The following ARHGAP22 variants were observed in gnomAD, a reference collection of about 807,000 sequenced individuals.
ARHGAP22 encodes the protein rho GTPase-activating protein 22.
A neutral mutation model predicts 59.1 loss-of-function variants in ARHGAP22; 48 were observed. That is an observed-to-expected ratio of 0.81 (90% CI 0.64 to 1.03). ARHGAP22 has a LOEUF of 1.03. Ranked by LOEUF, ARHGAP22 falls within the 50% of genes least tolerant of loss-of-function variation. ARHGAP22 has a pLI of 0.00. For missense variants in ARHGAP22, 1,015 were observed against 958.7 expected (o/e 1.06, Z -0.78); for synonymous variants, 445 against 416.4 (o/e 1.07, Z -0.84).
intron 5 of ARHGAP22, among the ~76,000 whole-genome samples, chr10:48,456,480 T>C (rs2046524022): frequency 6.6e-6 from 1 of 152,136 alleles, no homozygotes; most frequent in African/African-American, 2.4e-5. Context: ...TCCCGGGCCA[T>C]GTTCCTGGCC....
chr10:48,455,153 C>G lies in ARHGAP22; in HGVS notation c.660-19G>C. ...TGTTGTGCTGTGGGGGGGAAGAGGA[C>G]AGGTGTGTGAGGCCTGGGATGCCAG... On this transcript the variant is annotated intron_variant, in intron 5 of 9. Coordinates refer to ENST00000249601, the MANE Select transcript of ARHGAP22 (RefSeq NM_021226.4). 6.3e-7 allele frequency: 1 copy of G among 1,592,580 alleles called. No individual in the cohort carries two copies. The highest frequency in any genetic ancestry group is 8.6e-7 in the Non-Finnish European group (1 of 1,166,694).
At chr10:48,593,694 A>G (rs1421929243) in intron 1 of ARHGAP22, among the ~76,000 whole-genome samples, 4 of 152,280 alleles carry the variant, frequency 2.6e-5, no homozygotes, top group Admixed American at 6.5e-5. Flanking sequence ...TACTCAGAAC[A>G]GCATACAATT....
chr10:48,460,638 G>T (rs1213643246), intron 4 of ARHGAP22, among the ~76,000 whole-genome samples: 1 of 152,186 alleles, frequency 6.6e-6, no homozygotes, highest in African/African-American at 2.4e-5. Context: ...ATACCTAAAA[G>T]AATTAAAAGC....
downstream of ARHGAP22, among the ~76,000 whole-genome samples, chr10:48,442,277 T>C (rs916850953): frequency 6.6e-6 from 1 of 152,182 alleles, no homozygotes; most frequent in Non-Finnish European, 1.5e-5. Context: ...GCAGTGTTGC[T>C]GGGAGGATTT....
At chr10:48,588,183 T>C (rs1211106097) in intron 1 of ARHGAP22, among the ~76,000 whole-genome samples, 1 of 150,740 alleles carries the variant, frequency 6.6e-6, no homozygotes. Context: ...GGGGCCATGT[T>C]CACTGGGGCA....
intron 3 of ARHGAP22, among the ~76,000 whole-genome samples, chr10:48,550,343 G>A (rs1482142148): frequency 6.6e-6 from 1 of 152,214 alleles, no homozygotes; most frequent in Non-Finnish European, 1.5e-5. Flanking sequence ...GTAGGAAGGT[G>A]TCTTTCTTAC....
chr10:48,457,066 C>A (rs11101329), intron 5 of ARHGAP22, among the ~76,000 whole-genome samples: 1 of 151,872 alleles, frequency 6.6e-6, no homozygotes, highest in South Asian at 2.1e-4. Context: ...GGTCAGGGGA[C>A]GAGGTGCCTG....
At chr10:48,630,573 CT>C (rs1404523067) in intron 1 of ARHGAP22, among the ~76,000 whole-genome samples, 1 of 152,128 alleles carries the variant, frequency 6.6e-6, no homozygotes, top group Non-Finnish European at 1.5e-5. Context: ...TGGTATCGTG[CT>C]TTTATTTTCA....
chr10:48,646,688 C>A (rs1429090781), intron 1 of ARHGAP22, among the ~76,000 whole-genome samples: 1 of 152,136 alleles, frequency 6.6e-6, no homozygotes, highest in African/African-American at 2.4e-5. Context: ...AAACAAGCAA[C>A]AAAACAACCC....
intron 2 of ARHGAP22, among the ~76,000 whole-genome samples, chr10:48,567,752 C>G (rs2058139440): frequency 6.6e-6 from 1 of 152,016 alleles, no homozygotes; most frequent in African/African-American, 2.4e-5. Flanking sequence ...CCTATCTCTC[C>G]CCCTGAGTCA....
exon 1 of ARHGAP22, chr10:48,652,387 A>T (rs1232775387): frequency 1.0e-6 from 1 of 952,568 alleles, no homozygotes; most frequent in African/African-American, 1.6e-5. Context: ...CAGTAACAGG[A>T]GATCCACATC....
chr10:48,465,387 A>G (rs2047553237), intron 4 of ARHGAP22, among the ~76,000 whole-genome samples: 1 of 152,256 alleles, frequency 6.6e-6, no homozygotes, highest in Non-Finnish European at 1.5e-5. Context: ...CAGGCAGAGC[A>G]GTCCGCTGGC....
chr10:48,553,127 A>G (rs1398913698), intron 3 of ARHGAP22, among the ~76,000 whole-genome samples: 2 of 152,216 alleles, frequency 1.3e-5, no homozygotes, highest in African/African-American at 2.4e-5. Context: ...AGGGGAGCAG[A>G]GGGGACCACT....
intron 1 of ARHGAP22, among the ~76,000 whole-genome samples, chr10:48,617,793 GAACA>G (rs1188832094): frequency 3.3e-5 from 5 of 151,764 alleles, no homozygotes; most frequent in African/African-American, 1.2e-4. Flanking sequence ...AGAAAAGCAA[GAACA>G]AACCAAACCC....
intron 9 of ARHGAP22, among the ~76,000 whole-genome samples, chr10:48,448,849 G>A (rs564571053): frequency 1.3e-5 from 2 of 152,358 alleles, no homozygotes; most frequent in East Asian, 1.9e-4. Flanking sequence ...CCAGGCAGGA[G>A]TCAATGCGAG....
intron 3 of ARHGAP22, among the ~76,000 whole-genome samples, chr10:48,495,563 G>C (rs755924061): frequency 1.3e-5 from 2 of 152,226 alleles, no homozygotes; most frequent in Admixed American, 6.5e-5. Context: ...GAATGCCCCA[G>C]GCAGTCTGGC....
the ARHGAP22 span, chr10:48,438,933 AC>A: frequency 6.6e-6 from 1 of 152,212 alleles, no homozygotes; most frequent in Admixed American, 6.5e-5. Context: ...GAAATAAATT[AC>A]TTTTGTAGGC....
rs11386532 is a variant in ARHGAP22 at position 48,650,146 on chromosome 10, C to CTTTT, written c.52+2084_52+2087dup. ...GCCCCCTCCCCCTGTGCTGGAGACT[C>CTTTT]TTTTTTTTTTTTTTTTTTTTTTCTG... On this transcript the variant is annotated intron_variant, in intron 1 of 9. Transcript: ENST00000435790. 4.6e-3 allele frequency among the ~76,000 whole-genome samples: 373 copies of CTTTT among 81,674 alleles called. 4 individuals carry two copies. The highest frequency in any genetic ancestry group is 5.6e-3 in the Non-Finnish European group (246 of 44,140). The allele number at this position is 81,674 out of a possible 152,430, so 53.6% of individuals were successfully genotyped here.
intron 1 of ARHGAP22, among the ~76,000 whole-genome samples, chr10:48,629,591 A>G (rs193165283): frequency 6.2e-4 from 95 of 152,268 alleles, no homozygotes; most frequent in African/African-American, 2.2e-3. Flanking sequence ...CATTTTGCTC[A>G]TATCACCATG....
Sources: allele counts gnomAD v4.1 joint callset (sites outside exome capture counted in the v4.1 genomes callset), GRCh38; gene constraint gnomAD v4.1.1; transcripts MANE v1.5; gene names NCBI Gene and HGNC (gene_info 2026-07-23, HGNC 2026-07-21).